The following KYNU variants were observed in gnomAD, a reference collection of about 807,000 sequenced individuals.
The protein encoded by KYNU is kynureninase.
A neutral mutation model predicts 59.2 loss-of-function variants in KYNU; 54 were observed. That is an observed-to-expected ratio of 0.91 (90% confidence interval 0.73 to 1.14). KYNU has a LOEUF of 1.14. KYNU is among the 50% of genes most tolerant of loss of function. KYNU has a pLI of 0.00. For synonymous variants in KYNU, 177 were observed against 192.0 expected (o/e 0.92, Z 0.65); for missense variants, 567 against 554.4 (o/e 1.02, Z -0.23).
chr2:142,979,443 G>T (rs919028901), intron 8 of KYNU, among the ~76,000 whole-genome samples: 1 of 152,118 alleles, frequency 6.6e-6, no homozygotes, highest in African/African-American at 2.4e-5. Context: ...TTACAAGAGA[G>T]ATATACAAAC....
chr2:143,004,196 A>G (rs1020214470), intron 10 of KYNU, among the ~76,000 whole-genome samples: 1 of 152,192 alleles, frequency 6.6e-6, no homozygotes, highest in Non-Finnish European at 1.5e-5. Flanking sequence ...AGGGAATCTA[A>G]CTAATGTTTA....
intron 10 of KYNU, among the ~76,000 whole-genome samples, chr2:143,023,315 GGATTATACTCA>G (rs1207241953): frequency 6.6e-6 from 1 of 151,692 alleles, no homozygotes; most frequent in African/African-American, 2.4e-5. Context: ...TAGTCTTATT[GGATTATACTCA>G]GATACCATGG....
intron 10 of KYNU, among the ~76,000 whole-genome samples, chr2:143,007,140 A>C (rs1685933711): frequency 6.6e-6 from 1 of 151,850 alleles, no homozygotes; most frequent in South Asian, 2.1e-4. Flanking sequence ...ACCAAAGGCA[A>C]AGAAGTTGAA....
chr2:142,937,389 T>C (rs1683427173), intron 4 of KYNU, among the ~76,000 whole-genome samples: 1 of 152,184 alleles, frequency 6.6e-6, no homozygotes, highest in South Asian at 2.1e-4. Flanking sequence ...TACTCTGTTA[T>C]CTGCACAACC....
intron 1 of KYNU, among the ~76,000 whole-genome samples, chr2:142,883,931 A>G (rs931017598): frequency 2.6e-5 from 4 of 152,238 alleles, no homozygotes; most frequent in Non-Finnish European, 4.4e-5. Flanking sequence ...GAAAGAGTAA[A>G]TAAATGTATA....
At chr2:142,981,811 T>G (rs1233563770) in intron 8 of KYNU, among the ~76,000 whole-genome samples, 1 of 152,094 alleles carries the variant, frequency 6.6e-6, no homozygotes, top group African/African-American at 2.4e-5. Context: ...GGTTTCTTTA[T>G]GCAAACCAAT....
chr2:142,978,068 A>G (rs1684941715), intron 8 of KYNU, among the ~76,000 whole-genome samples: 2 of 152,156 alleles, frequency 1.3e-5, no homozygotes, highest in Non-Finnish European at 2.9e-5. Context: ...ACCAGCTTTC[A>G]TCTTCCTCCT....
intron 8 of KYNU, among the ~76,000 whole-genome samples, chr2:142,963,255 A>G (rs142345823): frequency 5.3e-5 from 8 of 152,202 alleles, no homozygotes; most frequent in African/African-American, 1.9e-4. Context: ...CAAGAAAAAA[A>G]AAGTATTTCC....
intron 1 of KYNU, among the ~76,000 whole-genome samples, chr2:142,879,226 A>C (rs901478808): frequency 6.6e-6 from 1 of 152,184 alleles, no homozygotes; most frequent in African/African-American, 2.4e-5. Context: ...TGAGTGCACT[A>C]TGCTATTCTG....
chr2:142,886,830 T>G (rs1223036023), intron 2 of KYNU, among the ~76,000 whole-genome samples: 1 of 152,150 alleles, frequency 6.6e-6, no homozygotes, highest in East Asian at 1.9e-4. Flanking sequence ...CCTGATGTGC[T>G]CTCTGGCCTA....
chr2:142,921,514 T>A (rs1372139274), intron 3 of KYNU, among the ~76,000 whole-genome samples: 2 of 152,042 alleles, frequency 1.3e-5, no homozygotes, highest in Non-Finnish European at 2.9e-5. Context: ...AAAACCAGCC[T>A]GAGCAACAAA....
At chr2:142,886,474 C>T (rs961327527) in intron 2 of KYNU, among the ~76,000 whole-genome samples, 1 of 152,096 alleles carries the variant, frequency 6.6e-6, no homozygotes, top group Admixed American at 6.5e-5. Context: ...AGAGAAATAC[C>T]TGTATCTGAC....
Position 142,985,989 on chromosome 2 carries a change from T to C in KYNU, c.870T>C (p.Ile290=). 1 of 1,610,928 alleles carries C rather than the reference T, an allele frequency of 6.2e-7. No homozygotes were observed. Among genetic ancestry groups the C allele is most frequent in the Non-Finnish European group, 8.5e-7 (1 of 1,177,826 alleles). The change falls in exon 10 of 14, where the codon ATT becomes ATC. Residue 290 remains isoleucine (I), a synonymous_variant. Transcript: ENST00000264170. ...AGAGGIAGAF[I]HEKHAHTIKP... ...CAGGAGGAATTGCTGGTGCCTTCAT[T>C]CATGAAAAGCATGCCCATACGATTA...
At chr2:142,966,097 G>C (rs1195710021) in intron 8 of KYNU, among the ~76,000 whole-genome samples, 2 of 152,024 alleles carry the variant, frequency 1.3e-5, no homozygotes, top group African/African-American at 4.8e-5. Context: ...AAATCATCTT[G>C]AGGTATGAAT....
At chr2:142,991,608 G>C (rs1045165474) in intron 10 of KYNU, among the ~76,000 whole-genome samples, 5 of 151,698 alleles carry the variant, frequency 3.3e-5, no homozygotes, top group Non-Finnish European at 5.9e-5. Flanking sequence ...TTTAATATTT[G>C]CCTCCCACAT....
At chr2:142,976,980 G>T (rs936812740) in intron 8 of KYNU, among the ~76,000 whole-genome samples, 1 of 152,134 alleles carries the variant, frequency 6.6e-6, no homozygotes, top group African/African-American at 2.4e-5. Context: ...GAATGGCTGG[G>T]TTCCAGTAAG....
intron 3 of KYNU, among the ~76,000 whole-genome samples, chr2:142,926,779 A>G (rs1336970905): frequency 6.6e-6 from 1 of 152,190 alleles, no homozygotes; most frequent in Non-Finnish European, 1.5e-5. Flanking sequence ...AGCATTACAC[A>G]CCAGGCTTGG....
At chr2:142,992,690 T>TA (rs763884049) in intron 10 of KYNU, among the ~76,000 whole-genome samples, 11 of 152,090 alleles carry the variant, frequency 7.2e-5, no homozygotes, top group African/African-American at 2.4e-4. Context: ...ACTTGCATTT[T>TA]ATCTCACATA....
Position 143,050,213 on chromosome 2 carries a change from G to A in KYNU, c.*8041G>A, listed in dbSNP as rs1415226525. The stretch of plus-strand genomic sequence containing the variant: ...TCTTCTAAAGAAAACCAGGATACAT[G>A]TGCAGAACCTGCAGGTTTGTTACAT... On this transcript the variant is annotated 3_prime_UTR_variant, in exon 14 of 14. Transcript: ENST00000264170. 1 of 151,784 alleles carries A rather than the reference G, an allele frequency of 6.6e-6. No homozygotes were observed. Among genetic ancestry groups the A allele is most frequent in the Admixed American group, 6.6e-5 (1 of 15,224 alleles). The allele number at this position is 151,784 out of a possible 1,614,324, so 9.4% of individuals were successfully genotyped here. A position where few individuals can be genotyped will look rare whatever the true frequency, so the allele number is the denominator to read the frequency against.
Sources: allele counts gnomAD v4.1 joint callset (sites outside exome capture counted in the v4.1 genomes callset), GRCh38; gene constraint gnomAD v4.1.1; transcripts MANE v1.5; gene names NCBI Gene and HGNC (gene_info 2026-07-23, HGNC 2026-07-21).